Variants in LRMDA observed in about 807,000 individuals in gnomAD.
The protein encoded by LRMDA is leucine rich melanocyte differentiation associated, also known as leucine-rich melanocyte differentiation-associated protein.
A neutral mutation model predicts 29.8 loss-of-function variants in LRMDA; 18 were observed. The observed-to-expected ratio is 0.60, with a 90% CI of 0.42 to 0.90. LRMDA has a LOEUF of 0.90. Among genes scored for constraint, LRMDA ranks in the 40% least tolerant of loss-of-function variants. The pLI, the probability that LRMDA is intolerant of heterozygous loss-of-function variation, is 0.00. For missense variants in LRMDA, 273 were observed against 273.9 expected (o/e 1.00, Z 0.02); for synonymous variants, 125 against 109.4 (o/e 1.14, Z -0.89).
intron 5 of LRMDA, among the ~76,000 whole-genome samples, chr10:76,279,290 C>T (rs919807623): frequency 1.3e-5 from 2 of 152,112 alleles, no homozygotes; most frequent in Non-Finnish European, 2.9e-5. Flanking sequence ...ATATTTGCCT[C>T]CTAAGGCTGT....
chr10:75,728,279 C>A (rs1427552506), intron 2 of LRMDA, among the ~76,000 whole-genome samples: 2 of 152,164 alleles, frequency 1.3e-5, no homozygotes, highest in African/African-American at 4.8e-5. Context: ...CCCCAAATAA[C>A]AATAACCCAG....
At chr10:76,014,832 A>C (rs1404536663) in intron 2 of LRMDA, among the ~76,000 whole-genome samples, 2 of 152,148 alleles carry the variant, frequency 1.3e-5, no homozygotes, top group Non-Finnish European at 2.9e-5. Context: ...GGGGTGTGGC[A>C]CTTTGTCTTC....
intron 2 of LRMDA, among the ~76,000 whole-genome samples, chr10:75,619,519 G>C (rs1317728001): frequency 6.6e-6 from 1 of 152,132 alleles, no homozygotes; most frequent in East Asian, 1.9e-4. Context: ...TAGGGTGAAG[G>C]GCAAACACAC....
intron 2 of LRMDA, among the ~76,000 whole-genome samples, chr10:75,473,186 G>A (rs147954454): frequency 1.4e-3 from 207 of 152,326 alleles, no homozygotes; most frequent in African/African-American, 4.6e-3. Flanking sequence ...CTAGTGATAT[G>A]AGATTGGATG....
chr10:76,351,848 G>T (rs566073934), intron 6 of LRMDA, among the ~76,000 whole-genome samples: 1 of 152,266 alleles, frequency 6.6e-6, no homozygotes, highest in East Asian at 1.9e-4. Flanking sequence ...CTGTATAGGA[G>T]CAGGCGCTAT....
intron 2 of LRMDA, among the ~76,000 whole-genome samples, chr10:75,615,577 G>A (rs1258021048): frequency 6.6e-6 from 1 of 152,150 alleles, no homozygotes. Context: ...ATTACTCCCA[G>A]ATATGAGCAC....
chr10:76,050,844 G>A (rs572276105), intron 4 of LRMDA, among the ~76,000 whole-genome samples: 1 of 152,318 alleles, frequency 6.6e-6, no homozygotes, highest in African/African-American at 2.4e-5. Flanking sequence ...TGGACTTGAA[G>A]GTTAACAGTA....
intron 2 of LRMDA, among the ~76,000 whole-genome samples, chr10:75,962,385 C>T (rs958125006): frequency 3.9e-5 from 6 of 152,208 alleles, no homozygotes; most frequent in South Asian, 2.1e-4. Context: ...TGCACATTCT[C>T]AGGCCTTAAC....
chr10:76,458,439 T>C (rs905872341), intron 6 of LRMDA, among the ~76,000 whole-genome samples: 2 of 152,244 alleles, frequency 1.3e-5, no homozygotes, highest in South Asian at 2.1e-4. Flanking sequence ...AGTTTATTGA[T>C]ACTTTTGTCA....
chr10:75,662,778 A>C (rs777222061), intron 2 of LRMDA, among the ~76,000 whole-genome samples: 4 of 152,184 alleles, frequency 2.6e-5, no homozygotes, highest in Non-Finnish European at 4.4e-5. Context: ...TAGCCTTCCT[A>C]CATAGTTTTG....
intron 2 of LRMDA, among the ~76,000 whole-genome samples, chr10:75,621,314 TTGTGC>T (rs1841183571): frequency 6.6e-6 from 1 of 152,176 alleles, no homozygotes; most frequent in South Asian, 2.1e-4. Context: ...CAGTTGCAAA[TTGTGC>T]TGCTTCCTAT....
In LRMDA at chr10:75,663,419, T is replaced by C. The variant is rs151301339; in HGVS notation, c.131+224925T>C. 3.3e-5 allele frequency among the ~76,000 whole-genome samples: 5 copies of C among 152,326 alleles called. No individual in the cohort carries two copies. The East Asian group carries it at 9.6e-4, about 29-fold the overall frequency. ...CTGAGGTGGGAGCCTGGGAAATCTG[T>C]AGTTTCTAAAGCTTCCCAAGTCATT... On this transcript the variant is annotated intron_variant, in intron 2 of 6. Transcript: ENST00000611255.
Position 75,673,669 on chromosome 10 carries a change from A to G in LRMDA, c.131+235175A>G, listed in dbSNP as rs78385389. On this transcript the variant is annotated intron_variant, in intron 2 of 6. Coordinates refer to ENST00000611255, the MANE Select transcript of LRMDA (RefSeq NM_001305581.2). ...GAGCAGAAATGTGAAGCCAGCTCAC[A>G]AAAGGGTAACAAATTGGGTGTAGAA... Among the ~76,000 whole-genome samples, 1,478 of 152,352 alleles carry G rather than the reference A, an allele frequency of 9.7e-3. 24 individuals are homozygous for G. The highest frequency in any genetic ancestry group is 0.034 in the African/African-American group (1,402 of 41,576).
At chr10:75,609,674 G>C (rs886996057) in intron 2 of LRMDA, among the ~76,000 whole-genome samples, 3 of 152,158 alleles carry the variant, frequency 2.0e-5, no homozygotes, top group Admixed American at 1.3e-4. Flanking sequence ...CCCTAGCCTG[G>C]GCGAGCTGAG....
intron 2 of LRMDA, among the ~76,000 whole-genome samples, chr10:75,827,110 C>T (rs72811425): frequency 0.012 from 1,754 of 152,246 alleles, 15 homozygotes; most frequent in South Asian, 0.031. Context: ...TGGAAAATAC[C>T]TCTCTGGGCC....
intron 2 of LRMDA, among the ~76,000 whole-genome samples, chr10:75,825,802 C>T (rs1844237875): frequency 1.3e-5 from 2 of 152,300 alleles, no homozygotes; most frequent in South Asian, 4.2e-4. Flanking sequence ...CAGCCAGATA[C>T]ATAGGCACTG....
At chr10:75,562,427 C>G (rs1199588356) in intron 2 of LRMDA, among the ~76,000 whole-genome samples, 1 of 152,058 alleles carries the variant, frequency 6.6e-6, no homozygotes, top group Non-Finnish European at 1.5e-5. Flanking sequence ...ATGTGTGTCT[C>G]TGCACGTGAG....
chr10:75,854,607 G>A (rs975513374), intron 2 of LRMDA, among the ~76,000 whole-genome samples: 3 of 151,862 alleles, frequency 2.0e-5, no homozygotes, highest in East Asian at 1.9e-4. Context: ...TAGGGTACAC[G>A]TGCACAATGT....
chr10:75,846,522 C>T (rs528856904), intron 2 of LRMDA, among the ~76,000 whole-genome samples: 62 of 152,226 alleles, frequency 4.1e-4, no homozygotes, highest in African/African-American at 1.4e-3. Context: ...GTGGTCATAG[C>T]ACTGGAAAGA....
Sources: allele counts gnomAD v4.1 joint callset (sites outside exome capture counted in the v4.1 genomes callset), GRCh38; gene constraint gnomAD v4.1.1; transcripts MANE v1.5; gene names NCBI Gene and HGNC (gene_info 2026-07-23, HGNC 2026-07-21).